The following PTPRD variants were observed in gnomAD, a reference collection of about 807,000 sequenced individuals.
The protein encoded by PTPRD is receptor-type tyrosine-protein phosphatase delta.
Under a neutral mutation model 214.5 loss-of-function variants are expected in PTPRD, and 34 were observed. The ratio of observed to expected loss-of-function variants is 0.16; its 90% CI spans 0.12 to 0.21. The LOEUF (loss-of-function observed/expected upper bound fraction) is 0.21. Among genes scored for constraint, PTPRD ranks in the 10% least tolerant of loss-of-function variants. The pLI is 1.00. For missense variants in PTPRD, 2,545 were observed against 2,398.7 expected (o/e 1.06, Z -1.27); for synonymous variants, 1,128 against 845.7 (o/e 1.33, Z -5.79).
chr9:10,148,473 T>C (rs111575815), intron 3 of PTPRD, among the ~76,000 whole-genome samples: 2,236 of 152,194 alleles, frequency 0.015, 32 homozygotes, highest in Non-Finnish European at 0.019. Context: ...ATTAGGCAGC[T>C]CTCTGATTTT....
intron 7 of PTPRD, among the ~76,000 whole-genome samples, chr9:9,603,682 A>C (rs1291530194): frequency 2.0e-5 from 3 of 152,122 alleles, no homozygotes; most frequent in African/African-American, 7.2e-5. Flanking sequence ...ATGCCTGATG[A>C]TTTGAGGTGG....
intron 2 of PTPRD, among the ~76,000 whole-genome samples, chr9:10,433,802 T>C (rs889321103): frequency 4.0e-5 from 6 of 151,874 alleles, no homozygotes; most frequent in Admixed American, 1.3e-4. Context: ...TGTAAATATA[T>C]AAAAACCTTT....
chr9:8,685,872 A>G (rs1487550460), intron 12 of PTPRD, among the ~76,000 whole-genome samples: 1 of 152,234 alleles, frequency 6.6e-6, no homozygotes, highest in Non-Finnish European at 1.5e-5. Flanking sequence ...AACGAGCACT[A>G]GGCTCCTCTT....
intron 3 of PTPRD, among the ~76,000 whole-genome samples, chr9:10,312,409 T>C (rs2096290724): frequency 1.3e-5 from 2 of 152,000 alleles, no homozygotes; most frequent in Non-Finnish European, 1.5e-5. Context: ...GAAGTATTGA[T>C]TACTACTAAC....
At chr9:8,414,657 A>C (rs2093768133) in intron 35 of PTPRD, among the ~76,000 whole-genome samples, 1 of 151,776 alleles carries the variant, frequency 6.6e-6, no homozygotes, top group Non-Finnish European at 1.5e-5. Flanking sequence ...ATCCCAGTTT[A>C]CACCTACTGT....
At chr9:8,418,699 C>G (rs1459703215) in intron 35 of PTPRD, among the ~76,000 whole-genome samples, 1 of 151,744 alleles carries the variant, frequency 6.6e-6, no homozygotes. Context: ...CTGAGGATAA[C>G]AGACTGATGC....
At chr9:10,569,681 T>A (rs1048651696) in intron 2 of PTPRD, among the ~76,000 whole-genome samples, 3 of 152,110 alleles carry the variant, frequency 2.0e-5, no homozygotes, top group African/African-American at 7.2e-5. Context: ...TTTTCTTAAT[T>A]TTCTGTTAGA....
At chr9:9,833,741 A>ATGC (rs2055807860) in intron 5 of PTPRD, among the ~76,000 whole-genome samples, 1 of 150,934 alleles carries the variant, frequency 6.6e-6, no homozygotes, top group Non-Finnish European at 1.5e-5. Context: ...GGGACGTTCC[A>ATGC]TGCTGAGAAA....
chr9:9,931,886 G>C (rs370419558), intron 5 of PTPRD, among the ~76,000 whole-genome samples: 14 of 150,746 alleles, frequency 9.3e-5, no homozygotes, highest in East Asian at 6.0e-4. Flanking sequence ...ATCTGAGAAC[G>C]GGCAGACTGC....
intron 7 of PTPRD, among the ~76,000 whole-genome samples, chr9:9,664,173 G>T (rs1172732494): frequency 6.7e-6 from 1 of 149,988 alleles, no homozygotes; most frequent in African/African-American, 2.4e-5. Flanking sequence ...ACACAGCCTG[G>T]CTTTAAAATT....
chr9:8,669,410 G>C (rs746116569), intron 12 of PTPRD, among the ~76,000 whole-genome samples: 1 of 152,148 alleles, frequency 6.6e-6, no homozygotes. Context: ...CCAATATGCA[G>C]TCCATACCAG....
intron 14 of PTPRD, among the ~76,000 whole-genome samples, chr9:8,631,781 G>A (rs2096261950): frequency 6.6e-6 from 1 of 151,690 alleles, no homozygotes; most frequent in Non-Finnish European, 1.5e-5. Flanking sequence ...TTTTCTCTAG[G>A]AAATCCCTCC....
intron 11 of PTPRD, among the ~76,000 whole-genome samples, chr9:8,768,270 G>C (rs1038437476): frequency 1.3e-5 from 2 of 152,158 alleles, no homozygotes; most frequent in African/African-American, 4.8e-5. Context: ...TGGGTATAAT[G>C]GTACGTGCCT....
At chr9:8,731,747 T>C (rs2098661375) in intron 12 of PTPRD, among the ~76,000 whole-genome samples, 1 of 152,242 alleles carries the variant, frequency 6.6e-6, no homozygotes, top group African/African-American at 2.4e-5. Flanking sequence ...CCTTAAAAGA[T>C]ATGGTTAAAT....
chr9:10,514,750 GT>G (rs1429295912), intron 2 of PTPRD, among the ~76,000 whole-genome samples: 1 of 151,878 alleles, frequency 6.6e-6, no homozygotes, highest in African/African-American at 2.4e-5. Context: ...AAGCAAGATA[GT>G]TTGTTGTTGA....
At chr9:9,574,357 C>A (rs1265036667) in intron 8 of PTPRD, among the ~76,000 whole-genome samples, 1 of 151,920 alleles carries the variant, frequency 6.6e-6, no homozygotes, top group African/African-American at 2.4e-5. Flanking sequence ...TTTGATACAT[C>A]TTGACAGGTG....
intron 2 of PTPRD, among the ~76,000 whole-genome samples, chr9:10,475,117 C>T (rs936931688): frequency 6.6e-6 from 1 of 151,908 alleles, no homozygotes; most frequent in African/African-American, 2.4e-5. Context: ...TAGCAGAAGA[C>T]AAGAAATAAC....
At chr9:9,767,658 G>A (rs1330852027) in intron 5 of PTPRD, among the ~76,000 whole-genome samples, 3 of 151,854 alleles carry the variant, frequency 2.0e-5, no homozygotes, top group African/African-American at 7.3e-5. Context: ...ATATGTTCTG[G>A]CATTCTATCT....
intron 8 of PTPRD, among the ~76,000 whole-genome samples, chr9:9,546,006 T>G (rs2078711807): frequency 6.6e-6 from 1 of 151,836 alleles, no homozygotes; most frequent in African/African-American, 2.4e-5. Context: ...GTCCATATTT[T>G]GTTAGACTTA....
Sources: gnomAD v4.1 joint callset for allele counts (sites outside exome capture counted in the v4.1 genomes callset) on GRCh38, gnomAD v4.1.1 for gene constraint, MANE v1.5 for transcripts, NCBI Gene and HGNC (gene_info 2026-07-23, HGNC 2026-07-21) for gene names.